The following RANBP2 variants were observed in gnomAD, a reference collection of about 807,000 sequenced individuals.
The protein encoded by RANBP2 is E3 SUMO-protein ligase RanBP2.
In RANBP2, 57 loss-of-function variants were observed where a neutral mutation model predicts 303.6. That is an observed-to-expected ratio of 0.19 (90% CI 0.15 to 0.23). RANBP2 has a LOEUF of 0.23. Among genes scored for constraint, RANBP2 ranks in the 10% least tolerant of loss-of-function variants. The pLI, the probability that RANBP2 is intolerant of heterozygous loss-of-function variation, is 1.00. For missense variants in RANBP2, 3,138 were observed against 3,780.8 expected, an observed-to-expected ratio of 0.83 and a Z score of 4.46; for synonymous variants, 1,167 against 1,301.5, an observed-to-expected ratio of 0.90 and a Z score of 2.23.
At chr2:108,720,631 A>C (rs1694159628) in intron 1 of RANBP2, among the ~76,000 whole-genome samples, 1 of 152,212 alleles carries the variant, frequency 6.6e-6, no homozygotes, top group Admixed American at 6.5e-5. Flanking sequence ...TACACTTTTC[A>C]TCCATAGATG....
At chr2:108,877,397 C>T in the RANBP2 span, among the ~76,000 whole-genome samples, 1 of 151,954 alleles carries the variant, frequency 6.6e-6, no homozygotes, top group Non-Finnish European at 1.5e-5. Flanking sequence ...ACCTGGGAGG[C>T]AGAGGTTCCA....
chr2:109,214,752 G>A, the RANBP2 span, among the ~76,000 whole-genome samples: 160 of 152,330 alleles, frequency 1.1e-3, no homozygotes, highest in African/African-American at 3.7e-3. Context: ...TAGCTGTGTG[G>A]CCTTGAGCCT....
the RANBP2 span, among the ~76,000 whole-genome samples, chr2:109,660,671 G>A: frequency 4.6e-5 from 7 of 152,184 alleles, no homozygotes; most frequent in Admixed American, 1.3e-4. Flanking sequence ...AGGGGCTGAC[G>A]GCTGCCAGGA....
the RANBP2 span, among the ~76,000 whole-genome samples, chr2:109,247,732 G>T: frequency 5.1e-4 from 78 of 152,282 alleles, no homozygotes; most frequent in African/African-American, 1.9e-3. Context: ...GTTAGGATTT[G>T]CTGTATAACA....
the RANBP2 span, chr2:108,876,088 G>T: frequency 6.4e-7 from 1 of 1,570,096 alleles, no homozygotes; most frequent in Non-Finnish European, 8.7e-7. Flanking sequence ...TTTTTTACAG[G>T]AGTAATAAGA....
chr2:109,269,768 C>G, the RANBP2 span, among the ~76,000 whole-genome samples: 1 of 152,096 alleles, frequency 6.6e-6, no homozygotes, highest in Non-Finnish European at 1.5e-5. Flanking sequence ...GACAGAGCAG[C>G]CGGGAGGGGT....
At chr2:109,519,155 G>T in the RANBP2 span, among the ~76,000 whole-genome samples, 1 of 151,990 alleles carries the variant, frequency 6.6e-6, no homozygotes, top group Admixed American at 6.6e-5. Context: ...CTGACCTCAG[G>T]TGATCTGCCC....
the RANBP2 span, among the ~76,000 whole-genome samples, chr2:109,521,912 G>A: frequency 1.3e-5 from 2 of 152,166 alleles, no homozygotes; most frequent in Non-Finnish European, 2.9e-5. Context: ...TTTCTGCAGG[G>A]ATGGGGAGGG....
At chr2:108,924,217 G>C in the RANBP2 span, among the ~76,000 whole-genome samples, 1,232 of 152,344 alleles carry the variant, frequency 8.1e-3, 11 homozygotes, top group South Asian at 0.013. Flanking sequence ...CGATGTCACA[G>C]TGCCAGCCCC....
chr2:109,589,747 C>T, the RANBP2 span, among the ~76,000 whole-genome samples: 1 of 151,872 alleles, frequency 6.6e-6, no homozygotes, highest in African/African-American at 2.4e-5. Flanking sequence ...AAAAAAAACC[C>T]GCTTGGAGGT....
chr2:109,654,803 G>T, the RANBP2 span, among the ~76,000 whole-genome samples: 3 of 152,246 alleles, frequency 2.0e-5, no homozygotes, highest in Non-Finnish European at 4.4e-5. Context: ...GGGGCACACA[G>T]TTTGCACTTG....
At chr2:109,659,543 A>G in the RANBP2 span, among the ~76,000 whole-genome samples, 1 of 152,224 alleles carries the variant, frequency 6.6e-6, no homozygotes, top group African/African-American at 2.4e-5. Flanking sequence ...CGGTGAGAGC[A>G]GCTGTGGGTG....
At chr2:109,282,787 G>A in the RANBP2 span, among the ~76,000 whole-genome samples, 10 of 152,198 alleles carry the variant, frequency 6.6e-5, no homozygotes. Context: ...CTCACCAGGA[G>A]GTAGACCATG....
the RANBP2 span, among the ~76,000 whole-genome samples, chr2:109,173,192 A>G: frequency 6.6e-6 from 1 of 152,220 alleles, no homozygotes; most frequent in African/African-American, 2.4e-5. Flanking sequence ...AATCGAACAC[A>G]GACTGAGTCA....
At chr2:109,430,056 G>A in the RANBP2 span, among the ~76,000 whole-genome samples, 1 of 152,208 alleles carries the variant, frequency 6.6e-6, no homozygotes, top group Non-Finnish European at 1.5e-5. Context: ...GAGTCCGTGA[G>A]CTGTGGTCAG....
the RANBP2 span, among the ~76,000 whole-genome samples, chr2:108,865,894 C>T: frequency 6.6e-6 from 1 of 152,116 alleles, no homozygotes; most frequent in Non-Finnish European, 1.5e-5. Context: ...GTCAGTGCTC[C>T]AAGACAGGGT....
At chr2:108,979,885 G>A in the RANBP2 span, among the ~76,000 whole-genome samples, 9 of 152,192 alleles carry the variant, frequency 5.9e-5, no homozygotes, top group Non-Finnish European at 1.2e-4. Flanking sequence ...GGGTAGGGGG[G>A]ACACCTGGCA....
At chr2:109,493,748 C>T in the RANBP2 span, among the ~76,000 whole-genome samples, 1 of 152,126 alleles carries the variant, frequency 6.6e-6, no homozygotes, top group East Asian at 1.9e-4. Context: ...TGCAGACACA[C>T]ACACTGCACA....
chr2:109,274,227 A>G, the RANBP2 span, among the ~76,000 whole-genome samples: 1 of 152,256 alleles, frequency 6.6e-6, no homozygotes, highest in Admixed American at 6.5e-5. Context: ...TGAGATTTCA[A>G]GTTCATTGGT....
Sources: allele counts gnomAD v4.1 joint callset (sites outside exome capture counted in the v4.1 genomes callset), GRCh38; gene constraint gnomAD v4.1.1; transcripts MANE v1.5; gene names NCBI Gene and HGNC (gene_info 2026-07-23, HGNC 2026-07-21).